CAMK1D: variants seen among roughly 807,000 people sequenced by gnomAD.
The protein encoded by CAMK1D is calcium/calmodulin dependent protein kinase ID.
A neutral mutation model predicts 47.7 loss-of-function variants in CAMK1D; 9 were observed. The observed-to-expected ratio is 0.19, with a 90% CI of 0.11 to 0.33. The LOEUF (loss-of-function observed/expected upper bound fraction) is 0.33. Among genes scored for constraint, CAMK1D ranks in the 10% least tolerant of loss-of-function variants. The pLI, the probability that CAMK1D is intolerant of heterozygous loss-of-function variation, is 1.00. For synonymous variants in CAMK1D, 184 were observed against 184.9 expected (o/e 0.99, Z 0.04); for missense variants, 291 against 488.7 (o/e 0.60, Z 3.81).
chr10:12,485,875 C>T (rs1299807981), intron 1 of CAMK1D, among the ~76,000 whole-genome samples: 2 of 152,158 alleles, frequency 1.3e-5, no homozygotes, highest in Non-Finnish European at 1.5e-5. Context: ...CAGCGCTGTT[C>T]GCTTAACAGA....
intron 1 of CAMK1D, among the ~76,000 whole-genome samples, chr10:12,541,176 C>T (rs542618761): frequency 6.6e-5 from 10 of 152,086 alleles, no homozygotes; most frequent in South Asian, 2.1e-4. Context: ...GGCTTTTCTT[C>T]GGTCAGTGTG....
At chr10:12,468,291 G>A (rs1207507593) in intron 1 of CAMK1D, among the ~76,000 whole-genome samples, 1 of 152,150 alleles carries the variant, frequency 6.6e-6, no homozygotes, top group Non-Finnish European at 1.5e-5. Context: ...CAAACGCCTG[G>A]GCTCAAGCAA....
At chr10:12,556,437 G>A (rs776682241) in intron 2 of CAMK1D, among the ~76,000 whole-genome samples, 8 of 152,162 alleles carry the variant, frequency 5.3e-5, no homozygotes, top group Non-Finnish European at 8.8e-5. Flanking sequence ...AGCATGGCCA[G>A]GGCCTCAAGG....
At chr10:12,782,482 C>A (rs1472252278) in intron 5 of CAMK1D, among the ~76,000 whole-genome samples, 1 of 152,198 alleles carries the variant, frequency 6.6e-6, no homozygotes, top group Non-Finnish European at 1.5e-5. Flanking sequence ...TTCTGTTTAG[C>A]ATCTCTGAAA....
At chr10:12,366,309 C>A (rs1480370425) in intron 1 of CAMK1D, among the ~76,000 whole-genome samples, 1 of 152,072 alleles carries the variant, frequency 6.6e-6, no homozygotes, top group Non-Finnish European at 1.5e-5. Flanking sequence ...AGCAACATGC[C>A]ATCCTTGTAG....
rs577793169 is a variant in CAMK1D, at chr10:12,691,693, C to T, written c.299+24883C>T. Among the ~76,000 whole-genome samples, 11 of 151,722 alleles carry T rather than the reference C, an allele frequency of 7.3e-5. No individual in the cohort carries two copies. The South Asian group carries it at 1.5e-3, about 20-fold the overall frequency. ...GTCTTGAACTCCTGACCTTGTCATC[C>T]GCCCGCCTCGGCCTCCCAACGTGCT... On this transcript the variant is annotated intron_variant, in intron 3 of 10. Coordinates refer to ENST00000619168, the MANE Select transcript of CAMK1D (RefSeq NM_153498.4).
chr10:12,791,134 T>C, intron 5 of CAMK1D, 24 bp from the exon 6 acceptor site: 1 of 1,612,294 alleles, frequency 6.2e-7, no homozygotes, highest in Non-Finnish European at 8.5e-7. Context: ...TGTCAGGCTG[T>C]GTCTTTTCTT....
chr10:12,825,415 A>G lies in CAMK1D; in HGVS notation c.922-158A>G, dbSNP rs77279230. On this transcript the variant is annotated intron_variant, in intron 9 of 10. Transcript: ENST00000619168. ...GGGGTTAATAAATCAGTGCACTTTT[A>G]GAAGAAGGGACAACATAAGCTTTCC... Among the ~76,000 whole-genome samples the G allele has an allele frequency of 6.7e-3, 1,018 of 152,254 alleles. 1 individual carries two copies. Among genetic ancestry groups the G allele is most frequent in the Non-Finnish European group, 9.9e-3 (673 of 68,012 alleles).
intron 1 of CAMK1D, among the ~76,000 whole-genome samples, chr10:12,412,222 G>A (rs1482347839): frequency 6.6e-6 from 1 of 152,112 alleles, no homozygotes; most frequent in Non-Finnish European, 1.5e-5. Context: ...GTTGATGACT[G>A]TTGATGGGAT....
In CAMK1D at chr10:12,499,351, C is replaced by T. The variant is rs118068308; in HGVS notation, c.93-53874C>T. Among the ~76,000 whole-genome samples, 1,213 of 152,152 alleles carry T rather than the reference C, an allele frequency of 8.0e-3. 11 individuals carry two copies. Among genetic ancestry groups the T allele is most frequent in the Admixed American group, 0.011 (169 of 15,280 alleles). On this transcript the variant is annotated intron_variant, in intron 1 of 10. Transcript: ENST00000619168. Reference sequence around the variant, plus strand: ...CCTCTTTTCTCATTCTGGTAAGAATCCTGCTTTGTCTCTGCTGCCCACAAT... The same window carrying T: ...CCTCTTTTCTCATTCTGGTAAGAATTCTGCTTTGTCTCTGCTGCCCACAAT...
intron 1 of CAMK1D, among the ~76,000 whole-genome samples, chr10:12,359,825 G>A (rs1222773971): frequency 6.6e-6 from 1 of 152,148 alleles, no homozygotes; most frequent in African/African-American, 2.4e-5. Context: ...TAATGCTAGA[G>A]TATTTAAAAA....
chr10:12,787,698 C>T (rs183683785), intron 5 of CAMK1D, among the ~76,000 whole-genome samples: 1 of 152,186 alleles, frequency 6.6e-6, no homozygotes, highest in African/African-American at 2.4e-5. Flanking sequence ...TGTTTCCAAG[C>T]ACAATTAAGA....
In CAMK1D at chr10:12,647,145, CTTTT is replaced by C. The variant is rs397693477; in HGVS notation, c.225-19572_225-19569del. Reference sequence around the variant, plus strand: ...CGTGAGCCTCCTTGCCCAGGCTAGCCTTTTTTTTTTTTTTTTTTTTTTGAAATGG... The same window carrying C: ...CGTGAGCCTCCTTGCCCAGGCTAGCCTTTTTTTTTTTTTTTTTTGAAATGG... On this transcript the variant is annotated intron_variant, in intron 2 of 10. Transcript: ENST00000619168. Among the ~76,000 whole-genome samples, 376 of 76,812 alleles carry C rather than the reference CTTTT, an allele frequency of 4.9e-3. 2 individuals carry two copies. The highest frequency in any genetic ancestry group is 7.7e-3 in the Non-Finnish European group (313 of 40,432). The allele number at this position is 76,812 out of a possible 152,430, so 50.4% of individuals were successfully genotyped here. A position where few individuals can be genotyped will look rare whatever the true frequency, so the allele number is the denominator to read the frequency against.
At chr10:12,590,616 A>G (rs1038280019) in intron 2 of CAMK1D, among the ~76,000 whole-genome samples, 2 of 152,214 alleles carry the variant, frequency 1.3e-5, no homozygotes, top group African/African-American at 4.8e-5. Context: ...GAATGAATGC[A>G]CTTGAACAAA....
At chr10:12,579,987 C>T (rs1837613201) in intron 2 of CAMK1D, among the ~76,000 whole-genome samples, 1 of 152,170 alleles carries the variant, frequency 6.6e-6, no homozygotes, top group Admixed American at 6.5e-5. Flanking sequence ...GGGTGGAATC[C>T]TTTAGGAGAG....
chr10:12,508,204 GA>G, intron 1 of CAMK1D, among the ~76,000 whole-genome samples: 1 of 152,302 alleles, frequency 6.6e-6, no homozygotes, highest in South Asian at 2.1e-4. Context: ...AATCTTTCTG[GA>G]AGTAAATGCA....
intron 3 of CAMK1D, among the ~76,000 whole-genome samples, chr10:12,747,772 G>T (rs186199198): frequency 6.6e-6 from 1 of 152,166 alleles, no homozygotes; most frequent in Non-Finnish European, 1.5e-5. Context: ...GTCCTGGGAA[G>T]AGCATTTATA....
intron 3 of CAMK1D, among the ~76,000 whole-genome samples, chr10:12,696,296 A>C (rs549845419): frequency 9.9e-4 from 151 of 151,894 alleles, no homozygotes; most frequent in Non-Finnish European, 1.9e-3. Context: ...CAGCACTTTG[A>C]GAGGCCGAGG....
chr10:12,653,472 T>G (rs1395747716), intron 2 of CAMK1D, among the ~76,000 whole-genome samples: 1 of 152,230 alleles, frequency 6.6e-6, no homozygotes, highest in African/African-American at 2.4e-5. Flanking sequence ...ATATGAGTGC[T>G]TGAAAGATGT....
Sources: gnomAD v4.1 joint callset for allele counts (sites outside exome capture counted in the v4.1 genomes callset) on GRCh38, gnomAD v4.1.1 for gene constraint, MANE v1.5 for transcripts, NCBI Gene and HGNC (gene_info 2026-07-23, HGNC 2026-07-21) for gene names.